ABR: variants seen among roughly 807,000 people sequenced by gnomAD.
ABR encodes active breakpoint cluster region-related protein.
A neutral mutation model predicts 107.2 loss-of-function variants in ABR; 35 were observed. The observed-to-expected ratio is 0.33, with a 90% CI of 0.25 to 0.43. The LOEUF (loss-of-function observed/expected upper bound fraction) is 0.43. Among genes scored for constraint, ABR ranks in the 20% least tolerant of loss-of-function variants. ABR has a pLI of 1.00. For missense variants in ABR, 815 were observed against 1,115.2 expected (o/e 0.73, Z 3.83); for synonymous variants, 498 against 462.0 (o/e 1.08, Z -1.00).
intron 10 of ABR, among the ~76,000 whole-genome samples, chr17:1,059,304 T>C (rs2033673335): frequency 6.6e-6 from 1 of 152,204 alleles, no homozygotes; most frequent in Non-Finnish European, 1.5e-5. Context: ...ACAGAAAAGC[T>C]GTGGCCACAC....
intron 1 of ABR, among the ~76,000 whole-genome samples, chr17:1,214,493 A>C (rs2150745962): frequency 6.6e-6 from 1 of 152,332 alleles, no homozygotes; most frequent in African/African-American, 2.4e-5. Flanking sequence ...GAGAGATTTA[A>C]GATTTGAATA....
rs2035974677 is a variant in ABR at position 1,078,979 on chromosome 17, C to T, written c.700+351G>A. On this transcript the variant is annotated intron_variant, in intron 6 of 22. Coordinates refer to ENST00000302538, the MANE Select transcript of ABR (RefSeq NM_021962.5). The surrounding 1 kb of genome is among the most constrained non-coding windows in gnomAD (Gnocchi z 7.5). Reference sequence around the variant, plus strand: ...CTGCCGCACGGACTCCAGCATCGGGCAGCCGCTCCGGAGTGCTCTTCCAGC... The same window carrying T: ...CTGCCGCACGGACTCCAGCATCGGGTAGCCGCTCCGGAGTGCTCTTCCAGC... 1.3e-6 allele frequency: 2 copies of T among 1,496,350 alleles called. No homozygotes were observed. Among genetic ancestry groups the T allele is most frequent in the Non-Finnish European group, 8.9e-7 (1 of 1,124,410 alleles). The allele number at this position is 1,496,350 out of a possible 1,614,324, so 92.7% of individuals were successfully genotyped here.
chr17:1,080,981 G>C (rs945469096), intron 5 of ABR, among the ~76,000 whole-genome samples: 1 of 152,180 alleles, frequency 6.6e-6, no homozygotes, highest in Non-Finnish European at 1.5e-5. Context: ...CCACCTGGCA[G>C]AAAGCCAGGG....
Position 1,130,397 on chromosome 17 carries a change from C to T in ABR, c.62-5030G>A, listed in dbSNP as rs541643142. Among the ~76,000 whole-genome samples the T allele has an allele frequency of 6.6e-5, 10 of 151,900 alleles. No individual in the cohort carries two copies. In the East Asian group the frequency reaches 1.7e-3, roughly 27 times the overall value. ...CCCCGCTCCTCCCCACCCTCACCAACTCTTACAAGGACAATTCCAGCACCC... is the reference window on the plus strand; with the variant it reads ...CCCCGCTCCTCCCCACCCTCACCAATTCTTACAAGGACAATTCCAGCACCC... On this transcript the variant is annotated intron_variant, in intron 1 of 22. Coordinates refer to ENST00000302538, the MANE Select transcript of ABR (RefSeq NM_021962.5).
intron 16 of ABR, among the ~76,000 whole-genome samples, chr17:1,024,049 AGC>A (rs1478918926): frequency 1.4e-5 from 2 of 140,534 alleles, no homozygotes; most frequent in East Asian, 2.0e-4. Flanking sequence ...AAAAAAAAAA[AGC>A]AGCATCAACA....
intron 1 of ABR, among the ~76,000 whole-genome samples, chr17:1,207,833 G>A (rs893946048): frequency 2.0e-5 from 3 of 151,166 alleles, no homozygotes; most frequent in African/African-American, 7.3e-5. Context: ...GCAGAGGTGC[G>A]ATCTCGGCTC....
At chr17:1,215,874 C>T (rs1318902729) in intron 1 of ABR, among the ~76,000 whole-genome samples, 2 of 82,496 alleles carry the variant, frequency 2.4e-5, no homozygotes, top group African/African-American at 8.9e-5. Context: ...TGTGACCTTA[C>T]CCCCAACCCC....
intron 2 of ABR, among the ~76,000 whole-genome samples, chr17:1,122,642 G>T (rs1199885027): frequency 6.6e-6 from 1 of 152,182 alleles, no homozygotes; most frequent in Non-Finnish European, 1.5e-5. Flanking sequence ...TTTGGACTTG[G>T]ACTGGAACCA....
chr17:1,185,659 A>AAAAT (rs2042268855), intron 1 of ABR, among the ~76,000 whole-genome samples: 2 of 131,178 alleles, frequency 1.5e-5, no homozygotes, highest in African/African-American at 6.1e-5. Flanking sequence ...AGAAATAAAA[A>AAAAT]AAAAAAAAAA....
chr17:1,146,791 AC>A (rs1323835937), intron 1 of ABR, among the ~76,000 whole-genome samples: 9 of 52,830 alleles, frequency 1.7e-4, no homozygotes, highest in East Asian at 1.3e-3. Context: ...CACCACTGCC[AC>A]CATGCCACCA....
chr17:1,161,154 G>A (rs531475658), intron 1 of ABR, among the ~76,000 whole-genome samples: 21 of 151,426 alleles, frequency 1.4e-4, no homozygotes, highest in African/African-American at 4.6e-4. Context: ...TCACCCACAA[G>A]TCCAGTCTTT....
rs577013222 is a variant in ABR at position 1,220,063 on chromosome 17, G to A, written c.838+8730C>T. ...TCACAGCACTTTGGGAGGCGGAGGC[G>A]GGCGGATCACGAGGTCAGGAGATCG... On this transcript the variant is annotated intron_variant, in intron 1 of 22. Coordinates refer to the ABR transcript ENST00000574139. Among the ~76,000 whole-genome samples the A allele has an allele frequency of 3.7e-3, 534 of 145,814 alleles. 5 individuals carry two copies. The highest frequency in any genetic ancestry group is 0.012 in the African/African-American group (477 of 40,768).
rs532051162 is a variant in ABR, at chr17:1,038,319, G to A, written c.1791+11731C>T. Among the ~76,000 whole-genome samples, 5 of 152,358 alleles carry A rather than the reference G, an allele frequency of 3.3e-5. No individual in the cohort carries two copies. In the South Asian group the frequency reaches 8.3e-4, roughly 25 times the overall value. On this transcript the variant is annotated intron_variant, in intron 16 of 22. Coordinates refer to ENST00000302538, the MANE Select transcript of ABR (RefSeq NM_021962.5). ...GGGACGTGGGGGTCTGAGAGATTAG[G>A]GGCTTTGTAAGGACACCTCTGGGTC...
intron 13 of ABR, 118 bp from the exon 14 acceptor site, chr17:1,056,227 AC>A: frequency 1.2e-6 from 1 of 869,310 alleles, no homozygotes; most frequent in Non-Finnish European, 1.9e-6. Context: ...GTCCAACATC[AC>A]CACCTGGTGG....
At chr17:1,218,275 G>A (rs932983652) in intron 1 of ABR, among the ~76,000 whole-genome samples, 1 of 152,212 alleles carries the variant, frequency 6.6e-6, no homozygotes, top group Non-Finnish European at 1.5e-5. Context: ...AAAATAACAA[G>A]TGGCTACAGC....
intron 1 of ABR, among the ~76,000 whole-genome samples, chr17:1,159,619 G>A (rs112430133): frequency 0.017 from 961 of 55,638 alleles, 88 homozygotes; most frequent in African/African-American, 0.068. Flanking sequence ...GTAAGAATGC[G>A]GTACTCACGC....
At position 1,050,295 on chromosome 17, in the gene ABR, G is replaced by A. The variant is rs2032317464; in HGVS notation, c.1660-114C>T. The A allele has an allele frequency of 1.5e-6, 2 of 1,362,530 alleles. No homozygotes were observed. The highest frequency in any genetic ancestry group is 1.4e-5 in the African/African-American group (1 of 69,380). 84.4% of individuals were successfully genotyped at this position (1,362,530 alleles called of 1,614,324 possible). A position where few individuals can be genotyped will look rare whatever the true frequency, so the allele number is the denominator to read the frequency against. The stretch of plus-strand genomic sequence containing the variant: ...GAGGGAGTAAGCACGGCCCACGAAG[G>A]ACACGTCAGATTTTCTGGAGCTCCC... On this transcript the variant is annotated intron_variant, in intron 15 of 22. Coordinates refer to ENST00000302538, the MANE Select transcript of ABR (RefSeq NM_021962.5). The surrounding 1 kb of genome is among the most constrained non-coding windows in gnomAD (Gnocchi z 4.6).
chr17:1,079,146 TAG>T, intron 6 of ABR, 182 bp downstream of exon 6: 1 of 1,443,790 alleles, frequency 6.9e-7, no homozygotes, highest in African/African-American at 1.4e-5. Context: ...GGCACGAGGC[TAG>T]AGTCCTCGCG....
intron 1 of ABR, among the ~76,000 whole-genome samples, chr17:1,146,830 A>C (rs1242757160): frequency 2.4e-5 from 3 of 123,958 alleles, no homozygotes; most frequent in African/African-American, 5.9e-5. Context: ...CTGCCACACG[A>C]CACCACTGCC....
Sources: allele counts gnomAD v4.1 joint callset (sites outside exome capture counted in the v4.1 genomes callset), GRCh38; gene constraint gnomAD v4.1.1; non-coding constraint Gnocchi (gnomAD v3.1); transcripts MANE v1.5; gene names NCBI Gene and HGNC (gene_info 2026-07-23, HGNC 2026-07-21).